TMED10: variants seen among roughly 807,000 people sequenced by gnomAD.
The protein encoded by TMED10 is transmembrane p24 trafficking protein 10, also known as transmembrane emp24 domain-containing protein 10.
TMED10 carries 7 observed loss-of-function variants against 23.1 expected under a neutral mutation model. The observed-to-expected ratio is 0.30, with a 90% CI of 0.17 to 0.57. The LOEUF (loss-of-function observed/expected upper bound fraction) is 0.57. TMED10 is among the 20% of genes least tolerant of loss of function. TMED10 has a pLI of 0.91. For missense variants in TMED10, 162 were observed against 274.8 expected, an observed-to-expected ratio of 0.59 and a Z score of 2.90; for synonymous variants, 113 against 106.9, an observed-to-expected ratio of 1.06 and a Z score of -0.35.
chr14:75,141,136 A>G (rs767008446), intron 3 of TMED10, among the ~76,000 whole-genome samples: 2 of 152,188 alleles, frequency 1.3e-5, no homozygotes, highest in Non-Finnish European at 2.9e-5. Flanking sequence ...TCTATAACAA[A>G]AAATACACAT....
At chr14:75,164,378 T>C (rs1403815888) in intron 1 of TMED10, among the ~76,000 whole-genome samples, 2 of 149,240 alleles carry the variant, frequency 1.3e-5, no homozygotes, top group Non-Finnish European at 3.0e-5. Flanking sequence ...ACTACAGGTG[T>C]GCGCCACCAG....
chr14:75,160,513 A>G (rs918350930), intron 1 of TMED10, among the ~76,000 whole-genome samples: 1 of 152,182 alleles, frequency 6.6e-6, no homozygotes, highest in African/African-American at 2.4e-5. Flanking sequence ...GTCCTAGAGA[A>G]CCACCTTGGT....
intron 3 of TMED10, among the ~76,000 whole-genome samples, chr14:75,143,176 G>A (rs527794388): frequency 6.6e-6 from 1 of 151,906 alleles, no homozygotes; most frequent in Non-Finnish European, 1.5e-5. Flanking sequence ...ATTTTCATGA[G>A]GCCCGCCGCC....
At chr14:75,156,861 G>C (rs1896024770) in intron 1 of TMED10, among the ~76,000 whole-genome samples, 1 of 150,702 alleles carries the variant, frequency 6.6e-6, no homozygotes, top group Non-Finnish European at 1.5e-5. Flanking sequence ...ACCAGGGTGA[G>C]AGAGATCACG....
At chr14:75,135,133 T>A in intron 4 of TMED10, 127 bp from the exon 5 acceptor site, 1 of 1,243,758 alleles carries the variant, frequency 8.0e-7, no homozygotes, top group Non-Finnish European at 1.1e-6. Flanking sequence ...ACAGTAGGAT[T>A]TCAGATAATT....
chr14:75,143,749 C>T (rs1895850506), intron 3 of TMED10, among the ~76,000 whole-genome samples: 1 of 152,136 alleles, frequency 6.6e-6, no homozygotes, highest in African/African-American at 2.4e-5. Context: ...GCCTGGCCTA[C>T]ATGGTGAAAC....
chr14:75,158,646 C>T (rs899295350), intron 1 of TMED10, among the ~76,000 whole-genome samples: 3 of 150,738 alleles, frequency 2.0e-5, no homozygotes, highest in Non-Finnish European at 3.0e-5. Context: ...TTCAGAGGGC[C>T]GGGTGTGGTG....
Position 75,144,552 on chromosome 14 carries a change from T to C in TMED10, c.411+3112A>G, listed in dbSNP as rs1172815544. Among the ~76,000 whole-genome samples, 6 of 152,272 alleles carry C rather than the reference T, an allele frequency of 3.9e-5. No individual in the cohort carries two copies. The South Asian group carries it at 1.0e-3, about 26-fold the overall frequency. ...ATTAATTAATAACAATTTAGGTAGG[T>C]AGTGTGGTACAATTACTATTCAATC... On this transcript the variant is annotated intron_variant, in intron 3 of 4. Coordinates refer to ENST00000303575, the MANE Select transcript of TMED10 (RefSeq NM_006827.6).
chr14:75,148,571 C>T (rs1895916965), intron 2 of TMED10, among the ~76,000 whole-genome samples: 1 of 152,096 alleles, frequency 6.6e-6, no homozygotes, highest in African/African-American at 2.4e-5. Flanking sequence ...TGTTCAGCCC[C>T]AATCCCCTGG....
At chr14:75,143,528 A>G (rs2139836676) in intron 3 of TMED10, among the ~76,000 whole-genome samples, 1 of 152,290 alleles carries the variant, frequency 6.6e-6, no homozygotes, top group East Asian at 1.9e-4. Flanking sequence ...TTCTTGTGAC[A>G]AGACAAATTC....
chr14:75,164,557 ATATATATATATATATATATAT>A (rs1383527732), intron 1 of TMED10, among the ~76,000 whole-genome samples: 6,285 of 14,720 alleles, frequency 0.43, 548 homozygotes, highest in Middle Eastern at 0.52. Context: ...ATATATATAT[ATATATATATATATATATATAT>A]TTTTTTTTTT....
chr14:75,164,577 A>ATTTTTTTTTTTTTT (rs60845992), intron 1 of TMED10, among the ~76,000 whole-genome samples: 2 of 45,130 alleles, frequency 4.4e-5, no homozygotes, highest in African/African-American at 2.2e-4. Flanking sequence ...ATATATATAT[A>ATTTTTTTTTTTTTT]TTTTTTTTTT....
rs946551509 is a variant in TMED10 at position 75,138,354 on chromosome 14, T to C, written c.412-2468A>G. Among the ~76,000 whole-genome samples, 4 of 152,342 alleles carry C rather than the reference T, an allele frequency of 2.6e-5. No individual in the cohort carries two copies. The East Asian group carries it at 7.7e-4, about 29-fold the overall frequency. ...TCACCAGAAGCACATTTTCTTGCGT[T>C]TGTAAAATGTTGGCTAGAGTTAACG... On this transcript the variant is annotated intron_variant, in intron 3 of 4. Transcript: ENST00000303575.
At chr14:75,175,597 G>C (rs1329343702) in intron 1 of TMED10, among the ~76,000 whole-genome samples, 1 of 151,562 alleles carries the variant, frequency 6.6e-6, no homozygotes, top group East Asian at 1.9e-4. Flanking sequence ...GTCGTGGGGT[G>C]GGGGGAGGTG....
intron 1 of TMED10, among the ~76,000 whole-genome samples, 183 bp from the exon 2 acceptor site, chr14:75,152,326 T>A (rs991104136): frequency 6.6e-6 from 1 of 152,168 alleles, no homozygotes; most frequent in Non-Finnish European, 1.5e-5. Flanking sequence ...ATACAGCAAA[T>A]TTCATCCATT....
At chr14:75,152,194 G>T in intron 1 of TMED10, 51 bp from the exon 2 acceptor site, 1 of 1,425,316 alleles carries the variant, frequency 7.0e-7, no homozygotes, top group Non-Finnish European at 9.8e-7. Flanking sequence ...CTCAGGAAGA[G>T]AACTTACAGA....
chr14:75,173,285 C>A (rs1896258371), intron 1 of TMED10, among the ~76,000 whole-genome samples: 2 of 151,692 alleles, frequency 1.3e-5, no homozygotes, highest in Admixed American at 6.6e-5. Flanking sequence ...TACTCAGGAG[C>A]CTGAAGTAGG....
At chr14:75,171,078 A>T (rs1449867801) in intron 1 of TMED10, among the ~76,000 whole-genome samples, 1 of 152,174 alleles carries the variant, frequency 6.6e-6, no homozygotes, top group Admixed American at 6.5e-5. Flanking sequence ...ATTAAATCAG[A>T]TTAAGGGTCT....
At chr14:75,157,798 G>T (rs924470143) in intron 1 of TMED10, among the ~76,000 whole-genome samples, 4 of 151,900 alleles carry the variant, frequency 2.6e-5, no homozygotes, top group African/African-American at 9.7e-5. Flanking sequence ...AAATTAGTTG[G>T]GCGTAGTGGC....
Sources: gnomAD v4.1 joint callset for allele counts (sites outside exome capture counted in the v4.1 genomes callset) on GRCh38, gnomAD v4.1.1 for gene constraint, MANE v1.5 for transcripts, NCBI Gene and HGNC (gene_info 2026-07-23, HGNC 2026-07-21) for gene names.